SFRP1: variants seen among roughly 807,000 people sequenced by gnomAD.
SFRP1 encodes secreted frizzled-related protein 1.
A neutral mutation model predicts 25.9 loss-of-function variants in SFRP1; 9 were observed. The ratio of observed to expected loss-of-function variants is 0.35; its 90% CI spans 0.21 to 0.61. SFRP1 has a LOEUF of 0.61. Among genes scored for constraint, SFRP1 ranks in the 20% least tolerant of loss-of-function variants. SFRP1 has a pLI of 0.78. For missense variants in SFRP1, 346 were observed against 418.2 expected (o/e 0.83, Z 1.51); for synonymous variants, 178 against 174.0 (o/e 1.02, Z -0.18).
intron 2 of SFRP1, among the ~76,000 whole-genome samples, chr8:41,268,817 C>T (rs888914830): frequency 3.9e-5 from 6 of 152,148 alleles, no homozygotes; most frequent in East Asian, 1.9e-4. Context: ...AAGAGCAGCC[C>T]GGAACTGATC....
At chr8:41,296,802 T>TA (rs954078813) in intron 2 of SFRP1, among the ~76,000 whole-genome samples, 13 of 152,096 alleles carry the variant, frequency 8.5e-5, no homozygotes, top group African/African-American at 3.1e-4. Context: ...AGAGTGTTTC[T>TA]AAAAAACACA....
At chr8:41,290,412 G>A (rs1237426156) in intron 2 of SFRP1, among the ~76,000 whole-genome samples, 5 of 152,202 alleles carry the variant, frequency 3.3e-5, no homozygotes, top group African/African-American at 4.8e-5. Flanking sequence ...GCTGGCTCCG[G>A]AGGCACTGCT....
chr8:41,268,628 G>A (rs1239566490), intron 2 of SFRP1, among the ~76,000 whole-genome samples: 3 of 152,290 alleles, frequency 2.0e-5, no homozygotes, highest in African/African-American at 7.2e-5. Flanking sequence ...AAGAAGGCAC[G>A]TATGGCCAGA....
chr8:41,306,775 G>A, intron 1 of SFRP1: 2 of 1,598,170 alleles, frequency 1.3e-6, no homozygotes, highest in Non-Finnish European at 1.7e-6. Flanking sequence ...AAGCCAGGCT[G>A]AGAAGGGCGC....
chr8:41,295,029 C>T (rs1803825051), intron 2 of SFRP1, among the ~76,000 whole-genome samples: 1 of 152,144 alleles, frequency 6.6e-6, no homozygotes, highest in Admixed American at 6.5e-5. Context: ...TAAGAACAAG[C>T]AGTTTATAAT....
In SFRP1 at chr8:41,266,426, G is replaced by A. The variant is rs761096677; in HGVS notation, c.623-937C>T. Among the ~76,000 whole-genome samples the A allele has an allele frequency of 1.6e-4, 24 of 152,126 alleles. No individual in the cohort carries two copies. In the Middle Eastern group the frequency reaches 0.01, roughly 65 times the overall value. On this transcript the variant is annotated intron_variant, in intron 2 of 2. Transcript: ENST00000220772. The stretch of plus-strand genomic sequence containing the variant: ...CATTCAAAGACAAAAAATCCTGAGT[G>A]TTTTTGTTTTTTATTGTTGTCTTTG...
intron 1 of SFRP1, among the ~76,000 whole-genome samples, chr8:41,304,830 C>A (rs981765070): frequency 1.3e-5 from 2 of 152,094 alleles, no homozygotes; most frequent in Admixed American, 6.5e-5. Context: ...CCAGCAGAGA[C>A]CCCATCCTTA....
At chr8:41,266,431 T>C (rs941169425) in intron 2 of SFRP1, among the ~76,000 whole-genome samples, 2 of 152,136 alleles carry the variant, frequency 1.3e-5, no homozygotes, top group South Asian at 2.1e-4. Context: ...TGAGTGTTTT[T>C]GTTTTTTATT....
rs184109937 is a variant in SFRP1 at position 41,295,846 on chromosome 8, C to T, written c.622+7615G>A. On this transcript the variant is annotated intron_variant, in intron 2 of 2. Transcript: ENST00000220772. The stretch of plus-strand genomic sequence containing the variant: ...GCCCCAGCTCCCAGATCAGTCAATA[C>T]GTCCAGCCCCCTGCCAATGTGGATC... Among the ~76,000 whole-genome samples the T allele has an allele frequency of 3.3e-3, 503 of 152,136 alleles. 2 individuals are homozygous for T. The highest frequency in any genetic ancestry group is 0.012 in the African/African-American group (486 of 41,516).
intron 2 of SFRP1, chr8:41,270,909 C>T (rs1365497082): frequency 6.6e-6 from 1 of 151,988 alleles, no homozygotes; most frequent in Non-Finnish European, 1.5e-5. Flanking sequence ...ATACTAGACA[C>T]AGAGGAGGAC....
chr8:41,306,019 T>A (rs1165420993), intron 1 of SFRP1, among the ~76,000 whole-genome samples: 2 of 152,124 alleles, frequency 1.3e-5, no homozygotes, highest in Non-Finnish European at 2.9e-5. Flanking sequence ...CTTCACCCAG[T>A]AAAACCAGGC....
intron 2 of SFRP1, among the ~76,000 whole-genome samples, chr8:41,268,937 T>C (rs73676325): frequency 0.048 from 7,306 of 152,274 alleles, 545 homozygotes; most frequent in African/African-American, 0.16. Flanking sequence ...GCCCAGAAGG[T>C]AGCAGCTGGG....
chr8:41,288,146 T>TCAC (rs1803730306), intron 2 of SFRP1, among the ~76,000 whole-genome samples: 1 of 151,910 alleles, frequency 6.6e-6, no homozygotes, highest in Non-Finnish European at 1.5e-5. Context: ...TCACCTGAGG[T>TCAC]CAGGAGTTCA....
chr8:41,273,954 T>C (rs1319832534), intron 2 of SFRP1, among the ~76,000 whole-genome samples: 1 of 152,186 alleles, frequency 6.6e-6, no homozygotes, highest in Non-Finnish European at 1.5e-5. Context: ...TTGTGGAGTT[T>C]CTGCTCTCCC....
rs76649356 is a variant in SFRP1, at chr8:41,307,422, G to A, written c.544+1194C>T. Among the ~76,000 whole-genome samples the A allele has an allele frequency of 8.1e-3, 1,239 of 152,258 alleles. 17 individuals are homozygous for A. The highest frequency in any genetic ancestry group is 0.028 in the African/African-American group (1,153 of 41,542). On this transcript the variant is annotated intron_variant, in intron 1 of 2. Coordinates refer to ENST00000220772, the MANE Select transcript of SFRP1 (RefSeq NM_003012.5). ...CACCTGCCCAAATCCTCACTCTGAG[G>A]AGCCAGGTGACTGCACTCCCCTCTT...
chr8:41,267,999 G>T (rs1406044578), intron 2 of SFRP1, among the ~76,000 whole-genome samples: 1 of 152,192 alleles, frequency 6.6e-6, no homozygotes, highest in Admixed American at 6.5e-5. Context: ...CTCTGGCAAA[G>T]GAGAAACTGC....
At position 41,303,471 on chromosome 8, in the gene SFRP1, G is replaced by A. The variant is rs1272309468; in HGVS notation, c.612C>T (p.Ala204=). Residue 204 remains alanine, a synonymous_variant, in exon 2 of 3, where the codon GCC becomes GCT. Coordinates refer to ENST00000220772, the MANE Select transcript of SFRP1 (RefSeq NM_003012.5). ...GAAACGCTTTCTTACCAAACTCGCT[G>A]GCACAGAGATGTTCAATGATGGCCT... ...KSEAIIEHLC[A]SEFALRMKIK... 11 of 1,613,402 alleles carry A rather than the reference G, an allele frequency of 6.8e-6. No individual in the cohort carries two copies. The Admixed American group carries it at 1.8e-4, about 27-fold the overall frequency.
At chr8:41,294,625 C>G (rs532913909) in intron 2 of SFRP1, among the ~76,000 whole-genome samples, 2 of 152,282 alleles carry the variant, frequency 1.3e-5, no homozygotes, top group Admixed American at 1.3e-4. Flanking sequence ...GAAAATACCT[C>G]TGTTATGCCT....
intron 2 of SFRP1, among the ~76,000 whole-genome samples, chr8:41,279,650 G>A (rs1442575037): frequency 3.3e-5 from 5 of 152,068 alleles, no homozygotes; most frequent in East Asian, 1.9e-4. Context: ...TTTCAGGCCT[G>A]GGGGCAGAGA....
Sources: gnomAD v4.1 joint callset for allele counts (sites outside exome capture counted in the v4.1 genomes callset) on GRCh38, gnomAD v4.1.1 for gene constraint, MANE v1.5 for transcripts, NCBI Gene and HGNC (gene_info 2026-07-23, HGNC 2026-07-21) for gene names.